NAV3: variants seen among roughly 807,000 people sequenced by gnomAD.
NAV3 encodes neuron navigator 3.
A neutral mutation model predicts 244.7 loss-of-function variants in NAV3; 87 were observed. The observed-to-expected ratio is 0.36, with a 90% CI of 0.30 to 0.42. The LOEUF (loss-of-function observed/expected upper bound fraction) is 0.42. Ranked by LOEUF, NAV3 falls within the 20% of genes least tolerant of loss-of-function variation. The probability of loss-of-function intolerance (pLI) is 1.00; values close to 1 mark genes in which losing one functional copy is unlikely to be tolerated. For synonymous variants in NAV3, 1,126 were observed against 1,042.2 expected (o/e 1.08, Z -1.55); for missense variants, 2,663 against 2,893.3 (o/e 0.92, Z 1.83).
At chr12:77,895,922 C>A (rs1429229503) in intron 1 of NAV3, among the ~76,000 whole-genome samples, 1 of 132,612 alleles carries the variant, frequency 7.5e-6, no homozygotes, top group Non-Finnish European at 1.5e-5. Flanking sequence ...CCTTTTATGG[C>A]CATTTAGACT....
intron 1 of NAV3, among the ~76,000 whole-genome samples, chr12:77,929,798 A>ATTTTTTTTTTTTTT (rs10602394): frequency 6.8e-4 from 72 of 105,996 alleles, no homozygotes; most frequent in Non-Finnish European, 9.8e-4. Context: ...ACGGCCAGCT[A>ATTTTTTTTTTTTTT]TTTTTTTTTT....
chr12:78,145,891 T>C (rs944509831), intron 20 of NAV3, among the ~76,000 whole-genome samples: 1 of 152,156 alleles, frequency 6.6e-6, no homozygotes, highest in African/African-American at 2.4e-5. Flanking sequence ...CCCAGCTTTA[T>C]TTGACATTGT....
chr12:78,028,667 CA>C (rs1330000026), intron 9 of NAV3, among the ~76,000 whole-genome samples: 1 of 152,156 alleles, frequency 6.6e-6, no homozygotes, highest in Non-Finnish European at 1.5e-5. Flanking sequence ...ATTATGCTAA[CA>C]AAAAGGCTTG....
chr12:77,875,737 AT>A (rs1881757616), intron 1 of NAV3, among the ~76,000 whole-genome samples: 1 of 152,080 alleles, frequency 6.6e-6, no homozygotes, highest in South Asian at 2.1e-4. Context: ...TAGGTTATAC[AT>A]TTCAAATATA....
chr12:78,195,852 A>G (rs1959169034), intron 34 of NAV3, among the ~76,000 whole-genome samples: 1 of 152,046 alleles, frequency 6.6e-6, no homozygotes, highest in Non-Finnish European at 1.5e-5. Context: ...TTTAAATTCC[A>G]GTCCCTAATG....
At chr12:77,894,986 C>T (rs1884406345) in intron 1 of NAV3, among the ~76,000 whole-genome samples, 2 of 152,050 alleles carry the variant, frequency 1.3e-5, no homozygotes, top group South Asian at 2.1e-4. Context: ...CTCCGGTATC[C>T]CTATTTTCTT....
At chr12:77,899,865 G>A (rs188013045) in intron 1 of NAV3, among the ~76,000 whole-genome samples, 200 of 151,958 alleles carry the variant, frequency 1.3e-3, no homozygotes, top group Admixed American at 3.0e-3. Context: ...TCCTTAATGC[G>A]CTAGCACTTT....
intron 1 of NAV3, among the ~76,000 whole-genome samples, chr12:77,854,872 C>T (rs530675296): frequency 2.0e-4 from 31 of 152,252 alleles, no homozygotes; most frequent in African/African-American, 7.5e-4. Context: ...AATCCCAGCA[C>T]TTTGGGAGGC....
At chr12:78,117,984 A>C in intron 13 of NAV3, 43 bp from the exon 14 acceptor site, 1 of 1,501,082 alleles carries the variant, frequency 6.7e-7, no homozygotes, top group Non-Finnish European at 8.9e-7. Flanking sequence ...ATACTTTATA[A>C]ATTTTTCTAC....
intron 23 of NAV3, among the ~76,000 whole-genome samples, chr12:78,161,494 C>A (rs1295364919): frequency 6.6e-6 from 1 of 151,924 alleles, no homozygotes; most frequent in Non-Finnish European, 1.5e-5. Flanking sequence ...TAGAAACATA[C>A]AGAGAATTTT....
At chr12:77,974,903 C>T (rs1868276485) in intron 5 of NAV3, among the ~76,000 whole-genome samples, 1 of 152,168 alleles carries the variant, frequency 6.6e-6, no homozygotes, top group African/African-American at 2.4e-5. Flanking sequence ...TCCCTTCTTT[C>T]ACTTGAAGAT....
At chr12:78,007,483 T>G in intron 8 of NAV3, 38 bp downstream of exon 8, 1 of 1,580,808 alleles carries the variant, frequency 6.3e-7, no homozygotes. Context: ...TGTAAATATA[T>G]TTACAGGCCT....
At chr12:78,058,405 T>C (rs1335535884) in intron 11 of NAV3, among the ~76,000 whole-genome samples, 2 of 152,132 alleles carry the variant, frequency 1.3e-5, no homozygotes, top group South Asian at 2.1e-4. Flanking sequence ...GAGAACAATA[T>C]GGGGAAAACT....
intron 2 of NAV3, among the ~76,000 whole-genome samples, chr12:77,650,625 A>T (rs998781773): frequency 5.3e-5 from 8 of 152,158 alleles, no homozygotes; most frequent in African/African-American, 1.9e-4. Flanking sequence ...GACTTTAGTT[A>T]TTTAGTGTGG....
chr12:77,632,577 C>T (rs767874088), intron 2 of NAV3, among the ~76,000 whole-genome samples: 11 of 152,122 alleles, frequency 7.2e-5, no homozygotes, highest in East Asian at 1.9e-4. Context: ...GTCCCTCCCA[C>T]GACACGTGGG....
Position 77,966,287 on chromosome 12 carries a change from G to A in NAV3, c.473G>A (p.Gly158Asp). Reference sequence around the variant, plus strand: ...GCAGCCAGAGGGGTAAATGTTCAAGGTCTATCTGCTGAAGGTAAGAAAAAG... The same window carrying A: ...GCAGCCAGAGGGGTAAATGTTCAAGATCTATCTGCTGAAGGTAAGAAAAAG... ...FLAARGVNVQ[G>D]LSAEEIRNGN... The change falls in exon 4 of 40, where the codon GGT (glycine) becomes GAT (aspartate). Residue 158 changes from glycine (G) to aspartate (D), a missense_variant. Physicochemically the swap from Gly to Asp is moderately conservative, Grantham distance 94. Transcript: ENST00000397909. 6.2e-7 allele frequency: 1 copy of A among 1,612,948 alleles called. No individual in the cohort carries two copies. The highest frequency in any genetic ancestry group is 8.5e-7 in the Non-Finnish European group (1 of 1,179,366).
At chr12:77,711,547 A>G (rs775052730) in intron 2 of NAV3, among the ~76,000 whole-genome samples, 15 of 152,226 alleles carry the variant, frequency 9.9e-5, no homozygotes, top group Non-Finnish European at 1.8e-4. Flanking sequence ...AGAAATTACA[A>G]ACAGGATCTG....
chr12:78,197,766 T>C (rs1959199850), intron 35 of NAV3, among the ~76,000 whole-genome samples: 1 of 151,928 alleles, frequency 6.6e-6, no homozygotes, highest in Admixed American at 6.6e-5. Context: ...GGCACTCTTA[T>C]GGAAACATTA....
intron 1 of NAV3, among the ~76,000 whole-genome samples, chr12:77,887,384 A>G (rs1159381215): frequency 6.6e-6 from 1 of 152,150 alleles, no homozygotes; most frequent in Non-Finnish European, 1.5e-5. Context: ...AAATTCAAGT[A>G]TGAGTACTTA....
Sources: allele counts gnomAD v4.1 joint callset (sites outside exome capture counted in the v4.1 genomes callset), GRCh38; gene constraint gnomAD v4.1.1; transcripts MANE v1.5; gene names NCBI Gene and HGNC (gene_info 2026-07-23, HGNC 2026-07-21).